ATP13A1: variants seen among roughly 807,000 people sequenced by gnomAD.
ATP13A1 encodes the protein endoplasmic reticulum transmembrane helix translocase.
ATP13A1 carries 55 observed loss-of-function variants against 134.8 expected under a neutral mutation model. The ratio of observed to expected loss-of-function variants is 0.41; its 90% CI spans 0.33 to 0.51. The LOEUF is 0.51. ATP13A1 is among the 20% of genes least tolerant of loss of function. The pLI is 0.29. For missense variants in ATP13A1, 1,389 were observed against 1,652.8 expected (o/e 0.84, Z 2.77); for synonymous variants, 775 against 725.1 (o/e 1.07, Z -1.10).
At position 19,657,381 on chromosome 19, in the gene ATP13A1, C is replaced by A; in HGVS notation, c.705G>T (p.Ser235=). 1 of 1,573,808 alleles carries A rather than the reference C, an allele frequency of 6.4e-7. No homozygotes were observed. The highest frequency in any genetic ancestry group is 8.6e-7 in the Non-Finnish European group (1 of 1,159,252). The change falls in exon 4 of 26, where the codon TCG becomes TCT. Residue 235 remains serine, a synonymous_variant. Coordinates refer to ENST00000357324, the MANE Select transcript of ATP13A1 (RefSeq NM_020410.3). ...CTGTGGCTCTCTCCTTGAAAAGCTC[C>A]GAGAAGTCAGGCACCACCATCTCGG... ...NKAEMVVPDF[S]ELFKERATAP...
rs778391443 is a variant in ATP13A1 at position 19,656,140 on chromosome 19, T to A, written c.1127A>T (p.Gln376Leu). 2.7e-5 allele frequency: 44 copies of A among 1,613,558 alleles called. No individual in the cohort carries two copies. In the Admixed American group the frequency reaches 7.3e-4, roughly 27 times the overall value. The change falls in exon 8 of 26, where the codon CAG (glutamine) becomes CTG (leucine). Residue 376 changes from glutamine to leucine, a missense_variant. Coordinates refer to ENST00000357324, the MANE Select transcript of ATP13A1 (RefSeq NM_020410.3). The surrounding 1 kb of genome is among the most constrained non-coding windows in gnomAD (Gnocchi z 4.6). The stretch of plus-strand genomic sequence containing the variant: ...GATGACGTGCAGCCGGGAATCAGCC[T>A]GGAGGTCCAGCACCCGGTCTGGGCT... ...DLSPDRVLDLQADSRLHVIFG... is the reference protein window; with the variant it reads ...DLSPDRVLDLLADSRLHVIFG...
chr19:19,647,047 G>C lies in ATP13A1; in HGVS notation c.3105+82C>G. 7.0e-7 allele frequency: 1 copy of C among 1,432,588 alleles called. No homozygotes were observed. Among genetic ancestry groups the C allele is most frequent in the Middle Eastern group, 2.0e-4 (1 of 5,070 alleles). 88.7% of individuals were successfully genotyped at this position (1,432,588 alleles called of 1,614,324 possible). ...CTGGGGCCCTGGGTCCTGTAACTTG[G>C]GGATGACAATTCCCGTGCCTATATC... On this transcript the variant is annotated intron_variant, in intron 22 of 25. Coordinates refer to ENST00000357324, the MANE Select transcript of ATP13A1 (RefSeq NM_020410.3). This position sits in a 1 kb window ranked among gnomAD's most constrained non-coding sequence, Gnocchi z 4.8.
rs1453401320 is a variant in ATP13A1, at chr19:19,653,857, G to A, written c.2027C>T (p.Thr676Ile). The A allele has an allele frequency of 3.3e-5, 51 of 1,567,292 alleles. No individual in the cohort carries two copies. Among genetic ancestry groups the A allele is most frequent in the Non-Finnish European group, 4.1e-5 (48 of 1,156,648 alleles). ...QCPPDYHHIHTEISREGARVL... is the reference protein window; with the variant it reads ...QCPPDYHHIHIEISREGARVL... ...GCGGGCTCCTTCCCGGGAGATCTCG[G>A]TGTGGATGTGGTGGTAGTCGGGCGG... is the stretch of plus-strand genomic sequence containing the variant. The change falls in exon 15 of 26, where the codon ACC (threonine) becomes ATC (isoleucine). Residue 676 changes from threonine (T) to isoleucine (I), a missense_variant. Transcript: ENST00000357324. This position sits in a 1 kb window ranked among gnomAD's most constrained non-coding sequence, Gnocchi z 4.2.
rs760086361 is a variant in ATP13A1 at position 19,663,346 on chromosome 19, G to A, written c.321C>T (p.Ile107=). 5.0e-6 allele frequency: 8 copies of A among 1,593,470 alleles called. No individual in the cohort carries two copies. The Admixed American group carries it at 7.0e-5, about 14-fold the overall frequency. The change falls in exon 1 of 26, where the codon ATC becomes ATT. Residue 107 remains isoleucine (I), a synonymous_variant. Transcript: ENST00000357324. Reference sequence around the variant, plus strand: ...GGACAGTGAGCGCGTGCGCGAGGCAGATGGTGGCAAGCACGAGCAGCGCAG... The same window carrying A: ...GGACAGTGAGCGCGTGCGCGAGGCAAATGGTGGCAAGCACGAGCAGCGCAG... ...PEAALLVLAT[I]CLAHALTVLS...
At chr19:19,649,398 T>C (rs781067323) in intron 19 of ATP13A1, among the ~76,000 whole-genome samples, 169 bp downstream of exon 19, 1 of 152,194 alleles carries the variant, frequency 6.6e-6, no homozygotes, top group Non-Finnish European at 1.5e-5. Context: ...TCCTGGGATA[T>C]TCGCATCCCT....
chr19:19,654,203 C>T (rs956972865), intron 13 of ATP13A1, 59 bp from the exon 14 acceptor site: 93 of 1,492,758 alleles, frequency 6.2e-5, no homozygotes, highest in Non-Finnish European at 8.2e-5. Flanking sequence ...AGCCAAGCCC[C>T]TACCTCTCAC....
chr19:19,658,149 C>CAAA lies in ATP13A1; in HGVS notation c.678-744_678-742dup, dbSNP rs61328844. 2.7e-3 allele frequency among the ~76,000 whole-genome samples: 176 copies of CAAA among 66,238 alleles called. 1 individual carries two copies. The highest frequency in any genetic ancestry group is 3.7e-3 in the South Asian group (6 of 1,600). 43.5% of individuals were successfully genotyped at this position (66,238 alleles called of 152,430 possible). ...GGGTAACAGAGTAAGACCCTGTCTC[C>CAAA]AAAAAAAAAAAAAAAAAAAAAAAAG... On this transcript the variant is annotated intron_variant, in intron 3 of 25. Coordinates refer to ENST00000357324, the MANE Select transcript of ATP13A1 (RefSeq NM_020410.3).
In ATP13A1 at chr19:19,652,919, T is replaced by C. The variant is rs1599431587; in HGVS notation, c.2101-199A>G. ...TTGAGGGGTGGGATCTGGCAGTGAC[T>C]GGGGGGTCTGGGTCCCCCGAATGTG... On this transcript the variant is annotated intron_variant, in intron 15 of 25. Coordinates refer to ENST00000357324, the MANE Select transcript of ATP13A1 (RefSeq NM_020410.3). 12 of 686,446 alleles carry C rather than the reference T, an allele frequency of 1.7e-5. No individual in the cohort carries two copies. The East Asian group carries it at 3.5e-4, about 20-fold the overall frequency. 42.5% of individuals were successfully genotyped at this position (686,446 alleles called of 1,614,324 possible). A position where few individuals can be genotyped will look rare whatever the true frequency, so the allele number is the denominator to read the frequency against.
Position 19,649,819 on chromosome 19 carries a change from C to T in ATP13A1, c.2457G>A (p.Leu819=), listed in dbSNP as rs762504733. ...LCLTGDGLAH[L]QATDPQQLLR... ...GCAGCTGCTGGGGGTCGGTGGCCTG[C>T]AGGTGGGCCAAGCCGTCGCCTGTGA... The change falls in exon 18 of 26, where the codon CTG becomes CTA. Residue 819 remains leucine, a synonymous_variant. Coordinates refer to ENST00000357324, the MANE Select transcript of ATP13A1 (RefSeq NM_020410.3). 3 of 1,602,458 alleles carry T rather than the reference C, an allele frequency of 1.9e-6. No homozygotes were observed. The East Asian group carries it at 6.7e-5, about 36-fold the overall frequency.
In ATP13A1 at chr19:19,645,347, G is replaced by C; in HGVS notation, c.*75C>G. ...CTTGCTGTGGGGGGTTGGGGGCAGGGTTCCCTCCCGGGGCCCTGTTGGGGT... is the reference window on the plus strand; with the variant it reads ...CTTGCTGTGGGGGGTTGGGGGCAGGCTTCCCTCCCGGGGCCCTGTTGGGGT... On this transcript the variant is annotated 3_prime_UTR_variant, in exon 26 of 26. Transcript: ENST00000357324. The surrounding 1 kb of genome is among the most constrained non-coding windows in gnomAD (Gnocchi z 4.1). 1 of 1,477,256 alleles carries C rather than the reference G, an allele frequency of 6.8e-7. No individual in the cohort carries two copies. The highest frequency in any genetic ancestry group is 9.2e-7 in the Non-Finnish European group (1 of 1,084,560). The allele number at this position is 1,477,256 out of a possible 1,614,324, so 91.5% of individuals were successfully genotyped here. A position where few individuals can be genotyped will look rare whatever the true frequency, so the allele number is the denominator to read the frequency against.
At chr19:19,661,617 G>A (rs2062094881) in intron 1 of ATP13A1, among the ~76,000 whole-genome samples, 1 of 152,154 alleles carries the variant, frequency 6.6e-6, no homozygotes, top group Admixed American at 6.6e-5. Flanking sequence ...CAAAGGCAGG[G>A]GGATTTGCCT....
chr19:19,652,129 G>A (rs1225812685), intron 16 of ATP13A1, among the ~76,000 whole-genome samples: 1 of 152,068 alleles, frequency 6.6e-6, no homozygotes, highest in Non-Finnish European at 1.5e-5. Context: ...CATGACCTCT[G>A]GGCTTGGTGG....
chr19:19,657,297 G>A (rs1376898911), intron 4 of ATP13A1, 39 bp downstream of exon 4: 16 of 1,546,838 alleles, frequency 1.0e-5, no homozygotes, highest in Non-Finnish European at 1.1e-5. Flanking sequence ...AAAGCCCCAA[G>A]GGAGGAAATG....
rs547478932 is a variant in ATP13A1, at chr19:19,655,283, C to T, written c.1534+33G>A. 8 of 1,613,976 alleles carry T rather than the reference C, an allele frequency of 5.0e-6. No individual in the cohort carries two copies. In the South Asian group the frequency reaches 5.5e-5, roughly 11 times the overall value. On this transcript the variant is annotated intron_variant, in intron 11 of 25. Transcript: ENST00000357324. This position sits in a 1 kb window ranked among gnomAD's most constrained non-coding sequence, Gnocchi z 5.7. Reference sequence around the variant, plus strand: ...TCAGGGGTCCTGCTTGGCCCCAGCCCACTCGGCACCCCATCCCATTTGACA... The same window carrying T: ...TCAGGGGTCCTGCTTGGCCCCAGCCTACTCGGCACCCCATCCCATTTGACA...
Position 19,654,130 on chromosome 19 carries a change from G to C in ATP13A1, c.1828C>G (p.Pro610Ala). The change falls in exon 14 of 26, where the codon CCC becomes GCC. Residue 610 changes from proline (P) to alanine (A), a missense_variant. Transcript: ENST00000357324. ...AGCCCCTGAGTTTTAATACTTCGGG[G>C]GAATACTTTCTCATCTGGAAACAAA... ...WTLTKDEKVF[P>A]RSIKTQGLKI... The C allele has an allele frequency of 6.3e-7, 1 of 1,587,648 alleles. No individual in the cohort carries two copies. Among genetic ancestry groups the C allele is most frequent in the Non-Finnish European group, 8.6e-7 (1 of 1,167,120 alleles).
In ATP13A1 at chr19:19,663,482, A is replaced by C; in HGVS notation, c.185T>G (p.Leu62Trp). 6.5e-7 allele frequency: 1 copy of C among 1,536,008 alleles called. No individual in the cohort carries two copies. The highest frequency in any genetic ancestry group is 8.7e-7 in the Non-Finnish European group (1 of 1,145,504). ...AVWPYRRLAL[L>W]RRLTVLPFAG... ...GAATGGCAGCACCGTGAGGCGCCGC[A>C]ACAGCGCCAACCGCCGGTACGGCCA... Residue 62 changes from leucine to tryptophan, a missense_variant, in exon 1 of 26, where the codon TTG becomes TGG. Transcript: ENST00000357324.
At chr19:19,652,759 CCTCTGCCCACA>C in intron 15 of ATP13A1, 39 bp from the exon 16 acceptor site, 1 of 1,574,236 alleles carries the variant, frequency 6.4e-7, no homozygotes, top group Non-Finnish European at 8.6e-7. Context: ...TCTGTCCCTC[CCTCTGCCCACA>C]CTCTGCATTT....
chr19:19,656,162 G>A lies in ATP13A1; in HGVS notation c.1105C>T (p.Pro369Ser). ...GCCTGGAGGTCCAGCACCCGGTCTG[G>A]GCTGAGGTCTTCGATGGGCTCCTGG... ...QMKEPIEDLS[P>S]DRVLDLQADS... is the part of the protein sequence containing the mutation. Residue 369 changes from proline to serine, a missense_variant, in exon 8 of 26, where the codon CCA (proline) becomes TCA (serine). Transcript: ENST00000357324. This position sits in a 1 kb window ranked among gnomAD's most constrained non-coding sequence, Gnocchi z 4.6. 2.5e-6 allele frequency: 4 copies of A among 1,611,712 alleles called. No individual in the cohort carries two copies. The highest frequency in any genetic ancestry group is 2.2e-5 in the South Asian group (2 of 90,934).
At chr19:19,652,087 G>T (rs2062028146) in intron 16 of ATP13A1, among the ~76,000 whole-genome samples, 1 of 152,094 alleles carries the variant, frequency 6.6e-6, no homozygotes, top group African/African-American at 2.4e-5. Context: ...CTGCCCATGG[G>T]GGTAATATTT....
Sources: allele counts gnomAD v4.1 joint callset (sites outside exome capture counted in the v4.1 genomes callset), GRCh38; gene constraint gnomAD v4.1.1; non-coding constraint Gnocchi (gnomAD v3.1); transcripts MANE v1.5; gene names NCBI Gene and HGNC (gene_info 2026-07-23, HGNC 2026-07-21).